The following KCTD1 variants were observed in gnomAD, a reference collection of about 807,000 sequenced individuals.
KCTD1 encodes potassium channel tetramerization domain containing 1.
Under a neutral mutation model 66.0 loss-of-function variants are expected in KCTD1, and 24 were observed. The observed-to-expected ratio is 0.36, with a 90% CI of 0.26 to 0.51. The LOEUF is 0.51. Ranked by LOEUF, KCTD1 falls within the 20% of genes least tolerant of loss-of-function variation. The probability of loss-of-function intolerance (pLI) is 0.95; values close to 1 mark genes in which losing one functional copy is unlikely to be tolerated. For missense variants in KCTD1, 943 were observed against 1,205.2 expected, an observed-to-expected ratio of 0.78 and a Z score of 3.22; for synonymous variants, 511 against 517.2, an observed-to-expected ratio of 0.99 and a Z score of 0.16.
chr18:26,532,261 C>CTTTCTTTTTTTTTTTTTTTTT (rs1394278500), intron 1 of KCTD1, among the ~76,000 whole-genome samples: 7 of 29,556 alleles, frequency 2.4e-4, no homozygotes, highest in African/African-American at 4.6e-4. Flanking sequence ...TTCTTTCCTT[C>CTTTCTTTTTTTTTTTTTTTTT]TTTTTTTTTT....
chr18:26,586,218 C>T (rs1038601917), intron 1 of KCTD1, among the ~76,000 whole-genome samples: 5 of 152,182 alleles, frequency 3.3e-5, no homozygotes, highest in East Asian at 1.9e-4. Context: ...ATCTTTGTGT[C>T]GTGTTTTGGT....
At chr18:26,587,683 G>A (rs1484720432) in intron 1 of KCTD1, among the ~76,000 whole-genome samples, 1 of 152,146 alleles carries the variant, frequency 6.6e-6, no homozygotes, top group East Asian at 1.9e-4. Context: ...TAGGAGTTTG[G>A]AGGAAGGTGA....
At chr18:26,471,974 G>A (rs1332776194) in intron 3 of KCTD1, among the ~76,000 whole-genome samples, 3 of 152,106 alleles carry the variant, frequency 2.0e-5, no homozygotes, top group East Asian at 1.9e-4. Flanking sequence ...TTAAGATGAC[G>A]GATGCGCTGA....
intron 1 of KCTD1, among the ~76,000 whole-genome samples, chr18:26,612,299 C>T (rs114680909): frequency 0.015 from 2,226 of 152,238 alleles, 53 homozygotes; most frequent in African/African-American, 0.051. Flanking sequence ...CACCTTGGTT[C>T]TCTCTGGGGT....
intron 1 of KCTD1, among the ~76,000 whole-genome samples, chr18:26,609,676 G>A (rs535028664): frequency 6.6e-6 from 1 of 152,206 alleles, no homozygotes; most frequent in Non-Finnish European, 1.5e-5. Flanking sequence ...TGCTAAGACT[G>A]TTAACATGTC....
intron 1 of KCTD1, among the ~76,000 whole-genome samples, chr18:26,634,575 GTA>G (rs1987683845): frequency 6.6e-6 from 1 of 152,092 alleles, no homozygotes; most frequent in Non-Finnish European, 1.5e-5. Flanking sequence ...ACAACAGTAT[GTA>G]TGATATGATT....
intron 1 of KCTD1, chr18:26,599,977 C>T (rs756775809): frequency 2.5e-6 from 4 of 1,610,098 alleles, no homozygotes; most frequent in Non-Finnish European, 1.7e-6. Context: ...TGCAGTGGAC[C>T]CTGCTGCTGC....
At chr18:26,566,266 C>A (rs191470118) in intron 1 of KCTD1, 1 of 152,294 alleles carries the variant, frequency 6.6e-6, no homozygotes, top group East Asian at 1.9e-4. Flanking sequence ...CATGGTCTGT[C>A]CAAGGATCCT....
intron 1 of KCTD1, among the ~76,000 whole-genome samples, chr18:26,560,134 C>G (rs1314364219): frequency 8.2e-6 from 1 of 122,166 alleles, no homozygotes; most frequent in Admixed American, 8.1e-5. Context: ...CCACCTTCCC[C>G]CCACCAGAAA....
chr18:26,558,946 A>G (rs1985777429), intron 1 of KCTD1, among the ~76,000 whole-genome samples: 1 of 152,040 alleles, frequency 6.6e-6, no homozygotes, highest in South Asian at 2.1e-4. Context: ...AAAAGAAAAA[A>G]AAAAGAGAAA....
At chr18:26,632,450 C>T (rs964480011), upstream of KCTD1, among the ~76,000 whole-genome samples, 1 of 152,000 alleles carries the variant, frequency 6.6e-6, no homozygotes, top group African/African-American at 2.4e-5. Context: ...TTTGCTCTAA[C>T]CATTACAATT....
At chr18:26,507,658 C>T (rs979635200) in intron 1 of KCTD1, among the ~76,000 whole-genome samples, 2 of 152,092 alleles carry the variant, frequency 1.3e-5, no homozygotes. Flanking sequence ...TCATTTCCCT[C>T]TCCCTTTCTA....
At chr18:26,520,430 A>C (rs1983855610) in intron 1 of KCTD1, among the ~76,000 whole-genome samples, 2 of 152,228 alleles carry the variant, frequency 1.3e-5, no homozygotes, top group South Asian at 2.1e-4. Flanking sequence ...AGGTACCCCC[A>C]CAGAGGTTAT....
chr18:26,577,530 T>C (rs991184507), intron 1 of KCTD1, among the ~76,000 whole-genome samples: 2 of 147,798 alleles, frequency 1.4e-5, no homozygotes, highest in African/African-American at 4.9e-5. Flanking sequence ...GATAAATTCA[T>C]GAGCATTTCT....
At chr18:26,574,731 CT>C (rs2144905216) in intron 1 of KCTD1, among the ~76,000 whole-genome samples, 1 of 152,228 alleles carries the variant, frequency 6.6e-6, no homozygotes, top group South Asian at 2.1e-4. Context: ...AAGATCAAAA[CT>C]TTTGCACAGA....
chr18:26,507,630 G>A (rs551182913), intron 1 of KCTD1, among the ~76,000 whole-genome samples: 21 of 151,800 alleles, frequency 1.4e-4, no homozygotes, highest in African/African-American at 2.2e-4. Context: ...AATGCCTTAC[G>A]ACCCCTCACA....
chr18:26,540,630 T>G (rs1024011147), intron 1 of KCTD1, among the ~76,000 whole-genome samples: 8 of 152,210 alleles, frequency 5.3e-5, no homozygotes, highest in African/African-American at 1.9e-4. Context: ...CAAGGAGACC[T>G]TTATGATCAT....
Position 26,460,423 on chromosome 18 carries a change from C to T in KCTD1, c.2134-498G>A, listed in dbSNP as rs148408052. Among the ~76,000 whole-genome samples the T allele has an allele frequency of 1.6e-4, 24 of 152,310 alleles. No homozygotes were observed. The East Asian group carries it at 2.9e-3, about 18-fold the overall frequency. On this transcript the variant is annotated intron_variant, in intron 3 of 4. Coordinates refer to ENST00000580059, the MANE Select transcript of KCTD1 (RefSeq NM_001142730.3). ...ATGGGCACCCTTCATCAGAAGCTCC[C>T]GGTCACCTTTGGTGGCCACAGGAGG...
chr18:26,473,248 C>A (rs771932718), intron 3 of KCTD1, among the ~76,000 whole-genome samples: 2 of 152,120 alleles, frequency 1.3e-5, no homozygotes, highest in Non-Finnish European at 2.9e-5. Context: ...GGAATGAGAT[C>A]ATGTCCTTGC....
Sources: gnomAD v4.1 joint callset for allele counts (sites outside exome capture counted in the v4.1 genomes callset) on GRCh38, gnomAD v4.1.1 for gene constraint, MANE v1.5 for transcripts, NCBI Gene and HGNC (gene_info 2026-07-23, HGNC 2026-07-21) for gene names.